The following GRID1 variants were observed in gnomAD, a reference collection of about 807,000 sequenced individuals.
GRID1 encodes the protein glutamate receptor ionotropic, delta-1.
Under a neutral mutation model 98.0 loss-of-function variants are expected in GRID1, and 28 were observed. That is an observed-to-expected ratio of 0.29 (90% CI 0.21 to 0.39). GRID1 has a LOEUF of 0.39. Ranked by LOEUF, GRID1 falls within the 10% of genes least tolerant of loss-of-function variation. The pLI, the probability that GRID1 is intolerant of heterozygous loss-of-function variation, is 1.00. For missense variants in GRID1, 1,111 were observed against 1,340.5 expected (o/e 0.83, Z 2.67); for synonymous variants, 553 against 538.5 (o/e 1.03, Z -0.37).
At chr10:85,797,457 T>G (rs1054721756) in intron 8 of GRID1, among the ~76,000 whole-genome samples, 1 of 152,068 alleles carries the variant, frequency 6.6e-6, no homozygotes, top group Non-Finnish European at 1.5e-5. Flanking sequence ...GAGACCAAGT[T>G]TTGCTCTTAT....
At chr10:85,747,472 G>A (rs527572472) in intron 8 of GRID1, among the ~76,000 whole-genome samples, 92 of 152,180 alleles carry the variant, frequency 6.0e-4, no homozygotes, top group African/African-American at 2.2e-3. Flanking sequence ...CATTCTGGGA[G>A]CCAGATCATT....
chr10:85,865,904 CATATATACATATATATAT>C (rs1176756662), intron 6 of GRID1, among the ~76,000 whole-genome samples: 2 of 52,410 alleles, frequency 3.8e-5, no homozygotes, highest in African/African-American at 8.2e-5. Flanking sequence ...AAGTGTTTTA[CATATATACATATATATAT>C]ATATATATAT....
At chr10:85,962,854 G>A (rs1204602600) in intron 4 of GRID1, among the ~76,000 whole-genome samples, 1 of 152,064 alleles carries the variant, frequency 6.6e-6, no homozygotes, top group Non-Finnish European at 1.5e-5. Context: ...TGTTAATCCC[G>A]ACTCTGGGAC....
chr10:85,761,301 T>C (rs1842144814), intron 8 of GRID1, among the ~76,000 whole-genome samples: 1 of 152,190 alleles, frequency 6.6e-6, no homozygotes, highest in African/African-American at 2.4e-5. Flanking sequence ...AAACCAAAGA[T>C]AGCAGCTTTA....
At chr10:85,699,574 C>T (rs541944778) in intron 12 of GRID1, among the ~76,000 whole-genome samples, 4 of 152,040 alleles carry the variant, frequency 2.6e-5, no homozygotes, top group Non-Finnish European at 5.9e-5. Context: ...ACCAAACCCA[C>T]GGTCATCTAA....
At chr10:86,071,384 T>G (rs934508643) in intron 4 of GRID1, among the ~76,000 whole-genome samples, 1 of 152,248 alleles carries the variant, frequency 6.6e-6, no homozygotes, top group Admixed American at 6.5e-5. Flanking sequence ...TTTCATGTTA[T>G]AGAAGCTCGG....
intron 2 of GRID1, among the ~76,000 whole-genome samples, chr10:86,268,142 C>T (rs1014775854): frequency 6.6e-6 from 1 of 152,178 alleles, no homozygotes; most frequent in East Asian, 1.9e-4. Flanking sequence ...AAGACACACA[C>T]GGGGCATCTG....
intron 8 of GRID1, among the ~76,000 whole-genome samples, chr10:85,821,533 A>G (rs1361734596): frequency 3.5e-5 from 5 of 142,856 alleles, no homozygotes; most frequent in South Asian, 4.6e-4. Context: ...AAAAAAAAAA[A>G]AAAAAAAAAA....
intron 2 of GRID1, among the ~76,000 whole-genome samples, chr10:86,273,840 A>C (rs1339158974): frequency 1.3e-5 from 2 of 151,998 alleles, no homozygotes; most frequent in African/African-American, 4.8e-5. Context: ...AGGTTGCAAA[A>C]ATTTTCTCCC....
At chr10:86,248,708 G>A (rs1034735846) in intron 2 of GRID1, among the ~76,000 whole-genome samples, 1 of 151,794 alleles carries the variant, frequency 6.6e-6, no homozygotes, top group South Asian at 2.1e-4. Context: ...GAGTAGCTGG[G>A]ACTACAAACA....
rs146519384 is a variant in GRID1, at chr10:85,962,898, T to C, written c.727-46659A>G. ...GAAGCAATGCTGAGTGAGACTTGGTTCCTATGCTTAAACCACTCATGGTTT... is the reference window on the plus strand; with the variant it reads ...GAAGCAATGCTGAGTGAGACTTGGTCCCTATGCTTAAACCACTCATGGTTT... On this transcript the variant is annotated intron_variant, in intron 4 of 15. Coordinates refer to ENST00000327946, the MANE Select transcript of GRID1 (RefSeq NM_017551.3). 4.2e-3 allele frequency among the ~76,000 whole-genome samples: 637 copies of C among 152,274 alleles called. 3 individuals are homozygous for C. Among genetic ancestry groups the C allele is most frequent in the African/African-American group, 0.014 (567 of 41,548 alleles).
chr10:86,008,420 C>T (rs1842888516), intron 4 of GRID1, among the ~76,000 whole-genome samples: 1 of 151,848 alleles, frequency 6.6e-6, no homozygotes, highest in Non-Finnish European at 1.5e-5. Context: ...TTACAATATC[C>T]AAATTAATAA....
chr10:85,919,718 T>C (rs559452100), intron 4 of GRID1, among the ~76,000 whole-genome samples: 7 of 152,204 alleles, frequency 4.6e-5, no homozygotes, highest in South Asian at 2.1e-4. Flanking sequence ...GAGAACACTA[T>C]AGAGAGTTCC....
Position 85,761,471 on chromosome 10 carries a change from C to T in GRID1, c.1234-31857G>A, listed in dbSNP as rs144323576. On this transcript the variant is annotated intron_variant, in intron 8 of 15. Coordinates refer to ENST00000327946, the MANE Select transcript of GRID1 (RefSeq NM_017551.3). ...GGGGACTAGAGAGCCAATGCTAAGC[C>T]AAGGACAAGGTCACTGCTCTCACAG... is the stretch of plus-strand genomic sequence containing the variant. 7.8e-4 allele frequency among the ~76,000 whole-genome samples: 119 copies of T among 152,262 alleles called. 1 individual carries two copies. In the East Asian group the frequency reaches 0.021, roughly 27 times the overall value.
At chr10:85,677,865 G>A (rs1841162395) in intron 12 of GRID1, among the ~76,000 whole-genome samples, 1 of 152,148 alleles carries the variant, frequency 6.6e-6, no homozygotes, top group South Asian at 2.1e-4. Context: ...GCTCCATTTT[G>A]TAGCCTGGTG....
At chr10:86,124,571 C>T (rs989184366) in intron 4 of GRID1, among the ~76,000 whole-genome samples, 1 of 152,172 alleles carries the variant, frequency 6.6e-6, no homozygotes, top group Non-Finnish European at 1.5e-5. Context: ...TCTTACCTTA[C>T]TGTATTTTTC....
At chr10:85,994,129 C>T (rs879523014) in intron 4 of GRID1, among the ~76,000 whole-genome samples, 2 of 152,156 alleles carry the variant, frequency 1.3e-5, no homozygotes, top group Admixed American at 1.3e-4. Context: ...TCAAACACAC[C>T]AAACAACAGG....
chr10:86,166,245 G>C (rs1292473129), intron 3 of GRID1, among the ~76,000 whole-genome samples: 1 of 152,094 alleles, frequency 6.6e-6, no homozygotes, highest in Non-Finnish European at 1.5e-5. Flanking sequence ...GTATATCTAC[G>C]ATCAGAGTGA....
At chr10:85,870,845 G>A (rs1843271505) in intron 5 of GRID1, among the ~76,000 whole-genome samples, 1 of 152,074 alleles carries the variant, frequency 6.6e-6, no homozygotes, top group African/African-American at 2.4e-5. Flanking sequence ...GAGAACAGAG[G>A]GTCAGTACAC....
Sources: gnomAD v4.1 joint callset for allele counts (sites outside exome capture counted in the v4.1 genomes callset) on GRCh38, gnomAD v4.1.1 for gene constraint, MANE v1.5 for transcripts, NCBI Gene and HGNC (gene_info 2026-07-23, HGNC 2026-07-21) for gene names.